The following ASXL3 variants were observed in gnomAD, a reference collection of about 807,000 sequenced individuals.
ASXL3 encodes the protein ASXL transcriptional regulator 3.
In ASXL3, 34 loss-of-function variants were observed where a neutral mutation model predicts 170.6. The observed-to-expected ratio is 0.20, with a 90% CI of 0.15 to 0.27. The LOEUF is 0.27. ASXL3 is among the 10% of genes least tolerant of loss of function. The pLI, the probability that ASXL3 is intolerant of heterozygous loss-of-function variation, is 1.00. For missense variants in ASXL3, 2,592 were observed against 2,695.3 expected, an observed-to-expected ratio of 0.96 and a Z score of 0.85; for synonymous variants, 1,002 against 989.1, an observed-to-expected ratio of 1.01 and a Z score of -0.24.
At chr18:33,712,420 A>T (rs1328403334) in intron 8 of ASXL3, among the ~76,000 whole-genome samples, 1 of 152,180 alleles carries the variant, frequency 6.6e-6, no homozygotes, top group African/African-American at 2.4e-5. Context: ...GCAGGCCTGA[A>T]AATAAAGATG....
chr18:33,747,390 G>A lies in ASXL3; in HGVS notation c.*795G>A, dbSNP rs1047347273. 4 of 148,400 alleles carry A rather than the reference G, an allele frequency of 2.7e-5. No homozygotes were observed. Among genetic ancestry groups the A allele is most frequent in the Non-Finnish European group, 5.9e-5 (4 of 67,500 alleles). 9.2% of individuals were successfully genotyped at this position (148,400 alleles called of 1,614,324 possible). ...AGCCCAGAGGATTTTAGAGCTTCAT[G>A]TGTGGCTTTTAAGAGCAGGTTTGAA... On this transcript the variant is annotated 3_prime_UTR_variant, in exon 12 of 12. Coordinates refer to ENST00000269197, the MANE Select transcript of ASXL3 (RefSeq NM_030632.3).
At chr18:33,664,148 G>A (rs925714631) in intron 5 of ASXL3, among the ~76,000 whole-genome samples, 4 of 152,044 alleles carry the variant, frequency 2.6e-5, no homozygotes, top group African/African-American at 9.7e-5. Context: ...CAAATGCTTT[G>A]AAGTATGTAC....
At chr18:33,714,290 A>G (rs557445654) in intron 8 of ASXL3, among the ~76,000 whole-genome samples, 1 of 152,256 alleles carries the variant, frequency 6.6e-6, no homozygotes, top group Admixed American at 6.5e-5. Context: ...ACATTTCAGC[A>G]CAGCACGTTG....
intron 2 of ASXL3, among the ~76,000 whole-genome samples, chr18:33,618,972 A>G (rs566235000): frequency 4.7e-4 from 71 of 152,266 alleles, no homozygotes; most frequent in African/African-American, 1.5e-3. Flanking sequence ...TGTCAAGCAA[A>G]TTAATAAATA....
intron 1 of ASXL3, among the ~76,000 whole-genome samples, chr18:33,586,378 C>G (rs1447946940): frequency 9.3e-5 from 14 of 150,944 alleles, no homozygotes; most frequent in Non-Finnish European, 1.5e-4. Context: ...CTTATTTTAA[C>G]AAGTATATAT....
At chr18:33,666,104 A>T (rs1233843596) in intron 5 of ASXL3, among the ~76,000 whole-genome samples, 2 of 152,146 alleles carry the variant, frequency 1.3e-5, no homozygotes, top group Non-Finnish European at 2.9e-5. Flanking sequence ...GACCGGCTTG[A>T]AGGTACATTC....
In ASXL3 at chr18:33,644,899, C is replaced by A; in HGVS notation, c.143C>A (p.Thr48Asn). 6.4e-7 allele frequency: 1 copy of A among 1,558,216 alleles called. No homozygotes were observed. ...QKEGLKETSG[T>N]SPLACLNAML... Reference sequence around the variant, plus strand: ...TGCACACTTTTATTTTCTAGTGGAACCTCTCCATTAGCCTGTCTGAATGCA... The same window carrying A: ...TGCACACTTTTATTTTCTAGTGGAAACTCTCCATTAGCCTGTCTGAATGCA... The change falls in exon 3 of 12, where the codon ACC becomes AAC. Residue 48 changes from threonine to asparagine, a missense_variant. This residue lies in a region of ASXL3 where 251 missense variants were observed against 281.9 expected (regional missense o/e 0.89). Transcript: ENST00000269197.
intron 2 of ASXL3, among the ~76,000 whole-genome samples, chr18:33,634,004 G>A (rs1376660232): frequency 6.6e-6 from 1 of 152,098 alleles, no homozygotes; most frequent in African/African-American, 2.4e-5. Context: ...GCATATATAT[G>A]AATGTAAATA....
intron 5 of ASXL3, among the ~76,000 whole-genome samples, chr18:33,668,262 C>G (rs549228861): frequency 6.6e-6 from 1 of 151,794 alleles, no homozygotes; most frequent in South Asian, 2.1e-4. Context: ...CCTGTCTCTA[C>G]TAAAAACAAA....
At chr18:33,666,486 A>G (rs1414847295) in intron 5 of ASXL3, among the ~76,000 whole-genome samples, 3 of 152,308 alleles carry the variant, frequency 2.0e-5, no homozygotes, top group Admixed American at 1.3e-4. Flanking sequence ...CACAGCATCC[A>G]TGACTATCTA....
intron 8 of ASXL3, among the ~76,000 whole-genome samples, chr18:33,727,816 CTT>C (rs1386609300): frequency 1.3e-5 from 2 of 152,098 alleles, no homozygotes; most frequent in African/African-American, 4.8e-5. Context: ...ATTTAAAACA[CTT>C]TATTGGCATT....
chr18:33,662,998 T>G (rs1010047495), intron 5 of ASXL3, among the ~76,000 whole-genome samples: 5 of 152,168 alleles, frequency 3.3e-5, no homozygotes, highest in African/African-American at 1.2e-4. Flanking sequence ...ATTATTGACA[T>G]TGCAGCATTT....
intron 5 of ASXL3, among the ~76,000 whole-genome samples, chr18:33,666,424 G>A (rs985742515): frequency 6.6e-6 from 1 of 152,080 alleles, no homozygotes. Context: ...CCCCTTCCAA[G>A]TTGTCACAAC....
At chr18:33,675,313 T>C (rs997242500) in intron 7 of ASXL3, among the ~76,000 whole-genome samples, 7 of 152,200 alleles carry the variant, frequency 4.6e-5, no homozygotes, top group Non-Finnish European at 1.0e-4. Context: ...CCACCTCATA[T>C]CCTTTAGCCA....
chr18:33,625,267 G>A (rs553030716), intron 2 of ASXL3, among the ~76,000 whole-genome samples: 17 of 152,162 alleles, frequency 1.1e-4, no homozygotes, highest in Non-Finnish European at 2.4e-4. Flanking sequence ...GATCATAGTG[G>A]CCATCACAGC....
intron 2 of ASXL3, among the ~76,000 whole-genome samples, chr18:33,618,935 T>G (rs926734899): frequency 6.6e-6 from 1 of 152,190 alleles, no homozygotes; most frequent in Non-Finnish European, 1.5e-5. Flanking sequence ...CTTGGCATAG[T>G]GCTGAAATGC....
At chr18:33,670,887 A>G (rs1012796680) in intron 6 of ASXL3, 97 bp downstream of exon 6, 2 of 717,074 alleles carry the variant, frequency 2.8e-6, no homozygotes, top group Non-Finnish European at 4.3e-6. Flanking sequence ...AAACTGAATA[A>G]TACTTCCACT....
intron 8 of ASXL3, among the ~76,000 whole-genome samples, chr18:33,685,462 C>A (rs756228770): frequency 4.6e-5 from 7 of 152,168 alleles, no homozygotes; most frequent in Non-Finnish European, 8.8e-5. Flanking sequence ...GGGGAAAGAT[C>A]TGATTTATTA....
intron 4 of ASXL3, among the ~76,000 whole-genome samples, chr18:33,656,603 T>C (rs938563409): frequency 3.3e-5 from 5 of 152,120 alleles, no homozygotes; most frequent in African/African-American, 9.7e-5. Context: ...ATTTTATTTT[T>C]ATTTCCCCAT....
Sources: allele counts gnomAD v4.1 joint callset (sites outside exome capture counted in the v4.1 genomes callset), GRCh38; gene constraint gnomAD v4.1.1; regional missense constraint gnomAD v4.1.1; transcripts MANE v1.5; gene names NCBI Gene and HGNC (gene_info 2026-07-23, HGNC 2026-07-21).